TMEM200A: variants seen among roughly 807,000 people sequenced by gnomAD.
TMEM200A encodes transmembrane protein 200A, also known as two transmembrane C.
A neutral mutation model predicts 24.3 loss-of-function variants in TMEM200A; 12 were observed. The ratio of observed to expected loss-of-function variants is 0.49; its 90% CI spans 0.32 to 0.80. TMEM200A has a LOEUF of 0.80. Among genes scored for constraint, TMEM200A ranks in the 30% least tolerant of loss-of-function variants. The probability of loss-of-function intolerance (pLI) is 0.04; values close to 1 mark genes in which losing one functional copy is unlikely to be tolerated. For missense variants in TMEM200A, 545 were observed against 614.4 expected, an observed-to-expected ratio of 0.89 and a Z score of 1.19; for synonymous variants, 224 against 224.4, an observed-to-expected ratio of 1.00 and a Z score of 0.02.
At chr6:130,381,930 C>T in intron 1 of TMEM200A, 1 of 985,432 alleles carries the variant, frequency 1.0e-6, no homozygotes. Context: ...GTGGCTTCCT[C>T]TTCCGTTCAC....
At chr6:130,378,807 T>C (rs1020010023) in intron 1 of TMEM200A, among the ~76,000 whole-genome samples, 31 of 151,934 alleles carry the variant, frequency 2.0e-4, no homozygotes, top group African/African-American at 7.0e-4. Context: ...CTTTGGATGG[T>C]GTATTAGTTT....
chr6:130,368,393 T>C (rs1778233948), intron 1 of TMEM200A, among the ~76,000 whole-genome samples: 1 of 152,074 alleles, frequency 6.6e-6, no homozygotes. Flanking sequence ...TAGTAGAGGA[T>C]AAAAAATAAG....
chr6:130,401,413 TTCTC>T (rs1273347914), intron 2 of TMEM200A, among the ~76,000 whole-genome samples: 1 of 148,486 alleles, frequency 6.7e-6, no homozygotes, highest in Non-Finnish European at 1.5e-5. Flanking sequence ...TTTTCTTTCT[TTCTC>T]TTTCTTTCTT....
chr6:130,442,111 T>C lies in TMEM200A; in HGVS notation c.*213T>C. ...TACCACACATGATTTTATTTTTCTCTTCCTTTGAAAGCATGATCTCTTTTA... is the reference window on the plus strand; with the variant it reads ...TACCACACATGATTTTATTTTTCTCCTCCTTTGAAAGCATGATCTCTTTTA... On this transcript the variant is annotated 3_prime_UTR_variant, in exon 3 of 3. Coordinates refer to ENST00000296978, the MANE Select transcript of TMEM200A (RefSeq NM_001258277.2). The C allele has an allele frequency of 4.7e-6, 2 of 421,730 alleles. No homozygotes were observed. Among genetic ancestry groups the C allele is most frequent in the Non-Finnish European group, 8.6e-6 (2 of 231,270 alleles). 26.1% of individuals were successfully genotyped at this position (421,730 alleles called of 1,614,324 possible).
At chr6:130,433,921 G>T (rs6905487) in intron 2 of TMEM200A, among the ~76,000 whole-genome samples, 1 of 152,186 alleles carries the variant, frequency 6.6e-6, no homozygotes, top group Non-Finnish European at 1.5e-5. Context: ...CCTCATTTAT[G>T]TGCCAAGCCT....
chr6:130,372,911 A>C (rs1778356918), intron 1 of TMEM200A, among the ~76,000 whole-genome samples: 1 of 152,202 alleles, frequency 6.6e-6, no homozygotes, highest in South Asian at 2.1e-4. Context: ...TATGTAAACA[A>C]ATGGTTACAA....
chr6:130,387,775 G>A (rs756856852), intron 2 of TMEM200A, among the ~76,000 whole-genome samples: 3 of 152,122 alleles, frequency 2.0e-5, no homozygotes, highest in Non-Finnish European at 2.9e-5. Flanking sequence ...TTATGCATGA[G>A]GCTCTTTGGC....
intron 2 of TMEM200A, among the ~76,000 whole-genome samples, chr6:130,419,972 TAGAA>T (rs1205694164): frequency 6.6e-6 from 1 of 152,104 alleles, no homozygotes; most frequent in Non-Finnish European, 1.5e-5. Context: ...TGGTGGAAGG[TAGAA>T]AGGCAAAAGG....
At chr6:130,395,295 C>T (rs1182262799) in intron 2 of TMEM200A, among the ~76,000 whole-genome samples, 2 of 152,154 alleles carry the variant, frequency 1.3e-5, no homozygotes, top group Non-Finnish European at 2.9e-5. Flanking sequence ...TTTTCCCTTT[C>T]CCAAGTGGGA....
At position 130,366,490 on chromosome 6, in the gene TMEM200A, G is replaced by A; in HGVS notation, c.-115G>A. On this transcript the variant is annotated 5_prime_UTR_variant, in exon 1 of 3. Coordinates refer to ENST00000296978, the MANE Select transcript of TMEM200A (RefSeq NM_001258277.2). This position sits in a 1 kb window ranked among gnomAD's most constrained non-coding sequence, Gnocchi z 4.4. ...AGACCAGGACTGAGAACAGGGAGAG[G>A]CGACCCGACCCCCAGGGCCCGGTGC... The A allele has an allele frequency of 1.7e-5, 17 of 985,836 alleles. No individual in the cohort carries two copies. The highest frequency in any genetic ancestry group is 2.0e-5 in the Non-Finnish European group (17 of 830,264). 61.1% of individuals were successfully genotyped at this position (985,836 alleles called of 1,614,324 possible). A position where few individuals can be genotyped will look rare whatever the true frequency, so the allele number is the denominator to read the frequency against.
intron 1 of TMEM200A, among the ~76,000 whole-genome samples, chr6:130,367,835 C>T (rs1251655342): frequency 1.3e-5 from 2 of 151,864 alleles, no homozygotes; most frequent in East Asian, 1.9e-4. Context: ...ATTTTTTAAC[C>T]AAGTCCTACT....
intron 2 of TMEM200A, among the ~76,000 whole-genome samples, chr6:130,420,074 C>T (rs888345497): frequency 6.6e-6 from 1 of 152,110 alleles, no homozygotes; most frequent in African/African-American, 2.4e-5. Context: ...CTCCTAAAGG[C>T]CTCACTTCTT....
intron 2 of TMEM200A, among the ~76,000 whole-genome samples, chr6:130,412,588 T>G (rs1296780202): frequency 6.6e-6 from 1 of 152,132 alleles, no homozygotes. Flanking sequence ...CAGCTCAGAC[T>G]TGAATACCCC....
rs1780024639 is a variant in TMEM200A at position 130,436,651 on chromosome 6, T to TTTTTTTTTTTC, written c.-16-3746_-16-3745insCTTTTTTTTTT. Among the ~76,000 whole-genome samples the TTTTTTTTTTTC allele has an allele frequency of 2.2e-5, 2 of 89,706 alleles. 1 individual carries two copies. The highest frequency in any genetic ancestry group is 5.4e-4 in the East Asian group (2 of 3,676). The allele number at this position is 89,706 out of a possible 152,430, so 58.9% of individuals were successfully genotyped here. On this transcript the variant is annotated intron_variant, in intron 2 of 2. Transcript: ENST00000296978. ...TTATCCTTTTTTTTTTTTTTTTTTTTTTTTTTTTTTTCAGAGAGACAGGTT... is the reference window on the plus strand; with the variant it reads ...TTATCCTTTTTTTTTTTTTTTTTTTTTTTTTTTTTTCTTTTTTTTTTTCAGAGAGACAGGTT...
chr6:130,425,938 T>TAAAC (rs1280986164), intron 2 of TMEM200A, among the ~76,000 whole-genome samples: 2 of 152,090 alleles, frequency 1.3e-5, no homozygotes, highest in Admixed American at 6.6e-5. Flanking sequence ...TCAAGAAATG[T>TAAAC]AAACAAATGC....
intron 1 of TMEM200A, among the ~76,000 whole-genome samples, chr6:130,378,559 T>TA (rs752276764): frequency 6.6e-6 from 1 of 150,948 alleles, no homozygotes; most frequent in East Asian, 2.0e-4. Context: ...CCATCTCTGC[T>TA]AAAAAATACA....
chr6:130,440,784 A>G lies in TMEM200A; in HGVS notation c.362A>G (p.His121Arg). The G allele has an allele frequency of 1.9e-6, 3 of 1,613,998 alleles. No homozygotes were observed. Among genetic ancestry groups the G allele is most frequent in the South Asian group, 2.2e-5 (2 of 91,080 alleles). ...GTTCGCTTCTTTGAGCAGCATTTGCATTCTGATAAGATGAAAATGCTTGGC... is the reference window on the plus strand; with the variant it reads ...GTTCGCTTCTTTGAGCAGCATTTGCGTTCTGATAAGATGAAAATGCTTGGC... ...VVVRFFEQHL[H>R]SDKMKMLGPF... is the part of the protein sequence containing the mutation. The change falls in exon 3 of 3, where the codon CAT becomes CGT. Residue 121 changes from histidine to arginine, a missense_variant. Coordinates refer to ENST00000296978, the MANE Select transcript of TMEM200A (RefSeq NM_001258277.2).
intron 2 of TMEM200A, among the ~76,000 whole-genome samples, chr6:130,396,380 T>TA (rs1312904572): frequency 1.3e-5 from 2 of 150,804 alleles, no homozygotes; most frequent in African/African-American, 4.9e-5. Flanking sequence ...TTTTTTTTTT[T>TA]AAACTAAGAA....
chr6:130,396,476 G>T (rs1177573592), intron 2 of TMEM200A, among the ~76,000 whole-genome samples: 3 of 150,490 alleles, frequency 2.0e-5, no homozygotes, highest in African/African-American at 7.3e-5. Flanking sequence ...TCATTAGCTT[G>T]GTTTTAGGAA....
Sources: gnomAD v4.1 joint callset for allele counts (sites outside exome capture counted in the v4.1 genomes callset) on GRCh38, gnomAD v4.1.1 for gene constraint, Gnocchi (gnomAD v3.1) non-coding constraint, MANE v1.5 for transcripts, NCBI Gene and HGNC (gene_info 2026-07-23, HGNC 2026-07-21) for gene names.